ASAP2: variants seen among roughly 807,000 people sequenced by gnomAD.
ASAP2 encodes the protein ArfGAP with SH3 domain, ankyrin repeat and PH domain 2.
ASAP2 carries 45 observed loss-of-function variants against 131.4 expected under a neutral mutation model. That is an observed-to-expected ratio of 0.34 (90% CI 0.27 to 0.44). The LOEUF is 0.44. ASAP2 is among the 20% of genes least tolerant of loss of function. The pLI is 1.00. For synonymous variants in ASAP2, 510 were observed against 503.0 expected, an observed-to-expected ratio of 1.01 and a Z score of -0.19; for missense variants, 1,011 against 1,297.0, an observed-to-expected ratio of 0.78 and a Z score of 3.39.
intron 22 of ASAP2, among the ~76,000 whole-genome samples, 154 bp from the exon 23 acceptor site, chr2:9,390,908 A>C (rs1675665611): frequency 6.6e-6 from 1 of 152,240 alleles, no homozygotes; most frequent in Non-Finnish European, 1.5e-5. Context: ...TGCCGGAGAC[A>C]GGAGTAAAAG....
intron 15 of ASAP2, among the ~76,000 whole-genome samples, chr2:9,366,999 C>T (rs958347180): frequency 2.0e-5 from 3 of 150,502 alleles, no homozygotes; most frequent in African/African-American, 7.5e-5. Flanking sequence ...TCTCCCAAAG[C>T]ATGTTTGTTA....
intron 16 of ASAP2, among the ~76,000 whole-genome samples, chr2:9,370,977 C>T (rs1673901513): frequency 6.6e-6 from 1 of 152,204 alleles, no homozygotes; most frequent in Non-Finnish European, 1.5e-5. Context: ...GCTGTCATAT[C>T]GGTCAGTTCT....
chr2:9,221,270 C>T (rs75909315), intron 1 of ASAP2, among the ~76,000 whole-genome samples: 3,673 of 151,400 alleles, frequency 0.024, 101 homozygotes, highest in Admixed American at 0.087. Flanking sequence ...AACAATCTAT[C>T]ATAACCTCTT....
chr2:9,270,589 C>T (rs1291072445), intron 1 of ASAP2, among the ~76,000 whole-genome samples: 1 of 151,888 alleles, frequency 6.6e-6, no homozygotes, highest in Admixed American at 6.6e-5. Context: ...CAATTATACT[C>T]TCTTAGTTAT....
In ASAP2 at chr2:9,400,050, C is replaced by T. The variant is rs1327042155; in HGVS notation, c.2712C>T (p.Asn904=). The change falls in exon 25 of 28, where the codon AAC becomes AAT. Residue 904 remains asparagine, a synonymous_variant. Coordinates refer to ENST00000281419, the MANE Select transcript of ASAP2 (RefSeq NM_003887.3). The part of the protein sequence containing the change: ...PGADKSTPLT[N]KGQPRGPVDL... ...CTGACAAGTCCACCCCACTGACCAA[C>T]AAAGGCCAACCGAGAGGACCTGGTA... 1 of 1,613,320 alleles carries T rather than the reference C, an allele frequency of 6.2e-7. No homozygotes were observed. Among genetic ancestry groups the T allele is most frequent in the Non-Finnish European group, 8.5e-7 (1 of 1,179,782 alleles).
intron 1 of ASAP2, among the ~76,000 whole-genome samples, chr2:9,254,254 T>TATATATATATATATATATATATACAC (rs1553297027): frequency 5.0e-4 from 33 of 65,704 alleles, no homozygotes; most frequent in East Asian, 1.0e-3. Context: ...TATATATATA[T>TATATATATATATATATATATATACAC]ACACGTGTGT....
intron 1 of ASAP2, among the ~76,000 whole-genome samples, chr2:9,250,990 G>T (rs930082885): frequency 6.6e-6 from 1 of 152,246 alleles, no homozygotes; most frequent in East Asian, 1.9e-4. Flanking sequence ...CCCGGAGTGG[G>T]CAGGCTCACC....
At chr2:9,305,563 G>A (rs1223176423) in intron 3 of ASAP2, among the ~76,000 whole-genome samples, 1,778 of 77,954 alleles carry the variant, frequency 0.023, 55 homozygotes, top group Middle Eastern at 0.047. Flanking sequence ...ATTGGTGGAG[G>A]GGCTGTAGTA....
chr2:9,373,349 C>T (rs1176419688), intron 16 of ASAP2, among the ~76,000 whole-genome samples: 3 of 152,262 alleles, frequency 2.0e-5, no homozygotes, highest in East Asian at 1.9e-4. Flanking sequence ...CAGCCTCACG[C>T]TGCGGCGTGT....
chr2:9,272,905 A>G (rs1412450774), intron 1 of ASAP2, among the ~76,000 whole-genome samples: 4 of 152,256 alleles, frequency 2.6e-5, no homozygotes, highest in African/African-American at 4.8e-5. Context: ...CCATTAGTCT[A>G]TGTGTCTGTT....
chr2:9,277,717 C>G (rs984516359), intron 1 of ASAP2, among the ~76,000 whole-genome samples: 4 of 152,186 alleles, frequency 2.6e-5, no homozygotes, highest in African/African-American at 7.2e-5. Context: ...ACACATCACT[C>G]TCACCTATAT....
chr2:9,315,385 A>G (rs1215946837), intron 3 of ASAP2, among the ~76,000 whole-genome samples: 1 of 152,108 alleles, frequency 6.6e-6, no homozygotes, highest in Non-Finnish European at 1.5e-5. Context: ...CATGGAGGGA[A>G]TGTTGGAAGA....
At chr2:9,398,071 T>C (rs1325181577) in intron 24 of ASAP2, among the ~76,000 whole-genome samples, 1 of 151,962 alleles carries the variant, frequency 6.6e-6, no homozygotes, top group African/African-American at 2.4e-5. Context: ...AAAGGATATT[T>C]TGTGGCACAT....
chr2:9,213,522 A>G (rs2147942248), intron 1 of ASAP2, among the ~76,000 whole-genome samples: 1 of 152,306 alleles, frequency 6.6e-6, no homozygotes, highest in Middle Eastern at 3.4e-3. Flanking sequence ...GGGAAAACAG[A>G]CTAGCAGGGC....
At chr2:9,356,643 A>G (rs776125624) in intron 14 of ASAP2, among the ~76,000 whole-genome samples, 4 of 152,166 alleles carry the variant, frequency 2.6e-5, no homozygotes, top group Admixed American at 6.5e-5. Flanking sequence ...AGTGAGAGTG[A>G]ACTCAAGGTC....
At chr2:9,209,983 T>C (rs1661417381) in intron 1 of ASAP2, among the ~76,000 whole-genome samples, 1 of 152,374 alleles carries the variant, frequency 6.6e-6, no homozygotes, top group East Asian at 1.9e-4. Context: ...TGCATACTTG[T>C]TGCTGGAATA....
At chr2:9,315,494 A>G (rs1241969172) in intron 3 of ASAP2, among the ~76,000 whole-genome samples, 1 of 152,182 alleles carries the variant, frequency 6.6e-6, no homozygotes, top group Non-Finnish European at 1.5e-5. Context: ...TTGGGTGTCA[A>G]GCAAGTGAGG....
At chr2:9,284,049 A>G (rs1234754991) in intron 2 of ASAP2, among the ~76,000 whole-genome samples, 1 of 152,170 alleles carries the variant, frequency 6.6e-6, no homozygotes, top group Non-Finnish European at 1.5e-5. Flanking sequence ...GACCCTTGTG[A>G]TGACATTGGC....
At position 9,207,886 on chromosome 2, in the gene ASAP2, G is replaced by A. The variant is rs1327431069; in HGVS notation, c.126+656G>A. Reference sequence around the variant, plus strand: ...GGTCTCACCTGCTTGAACCCGGAATGCCGCCCTTCCCCCTCAACCTGGAAA... The same window carrying A: ...GGTCTCACCTGCTTGAACCCGGAATACCGCCCTTCCCCCTCAACCTGGAAA... On this transcript the variant is annotated intron_variant, in intron 1 of 27. Coordinates refer to ENST00000281419, the MANE Select transcript of ASAP2 (RefSeq NM_003887.3). The surrounding 1 kb of genome is among the most constrained non-coding windows in gnomAD (Gnocchi z 4.1). Among the ~76,000 whole-genome samples, 2 of 152,202 alleles carry A rather than the reference G, an allele frequency of 1.3e-5. No homozygotes were observed. The highest frequency in any genetic ancestry group is 4.8e-5 in the African/African-American group (2 of 41,450).
Sources: allele counts gnomAD v4.1 joint callset (sites outside exome capture counted in the v4.1 genomes callset), GRCh38; gene constraint gnomAD v4.1.1; non-coding constraint Gnocchi (gnomAD v3.1); transcripts MANE v1.5; gene names NCBI Gene and HGNC (gene_info 2026-07-23, HGNC 2026-07-21).